CACUL1: variants seen among roughly 807,000 people sequenced by gnomAD.
CACUL1 encodes CDK2-associated and cullin domain-containing protein 1.
Under a neutral mutation model 45.2 loss-of-function variants are expected in CACUL1, and 13 were observed. The ratio of observed to expected loss-of-function variants is 0.29; its 90% CI spans 0.19 to 0.46. CACUL1 has a LOEUF of 0.46. Among genes scored for constraint, CACUL1 ranks in the 20% least tolerant of loss-of-function variants. The probability of loss-of-function intolerance (pLI) is 1.00; values close to 1 mark genes in which losing one functional copy is unlikely to be tolerated. For synonymous variants in CACUL1, 197 were observed against 174.2 expected (o/e 1.13, Z -1.03); for missense variants, 421 against 471.4 (o/e 0.89, Z 0.99).
chr10:118,694,811 G>A (rs766687916), intron 6 of CACUL1: 1 of 198,472 alleles, frequency 5.0e-6, no homozygotes, highest in Non-Finnish European at 1.1e-5. Flanking sequence ...GAATGTGGAT[G>A]TCTGTAAGTA....
At chr10:118,696,465 ACCC>A (rs1211731548) in intron 5 of CACUL1, among the ~76,000 whole-genome samples, 1 of 151,910 alleles carries the variant, frequency 6.6e-6, no homozygotes, top group Non-Finnish European at 1.5e-5. Flanking sequence ...ACTTGGTGAA[ACCC>A]CCGTCTCTAC....
intron 5 of CACUL1, among the ~76,000 whole-genome samples, chr10:118,695,674 C>CT (rs1845315425): frequency 6.6e-6 from 1 of 152,162 alleles, no homozygotes; most frequent in Non-Finnish European, 1.5e-5. Flanking sequence ...AATGCTATAG[C>CT]TACATCTACT....
chr10:118,685,871 C>T lies in CACUL1; in HGVS notation c.*257G>A, dbSNP rs1433182365. On this transcript the variant is annotated 3_prime_UTR_variant, in exon 9 of 9. Coordinates refer to ENST00000369151, the MANE Select transcript of CACUL1 (RefSeq NM_153810.5). The stretch of plus-strand genomic sequence containing the variant: ...ATGGTCACTTTCTGAGATGCTTTTT[C>T]CTCACAGAATCTGTAGATAAACTCA... The T allele has an allele frequency of 2.0e-5, 6 of 306,612 alleles. No homozygotes were observed. The East Asian group carries it at 3.1e-4, about 16-fold the overall frequency. The allele number at this position is 306,612 out of a possible 1,614,324, so 19.0% of individuals were successfully genotyped here. A position where few individuals can be genotyped will look rare whatever the true frequency, so the allele number is the denominator to read the frequency against.
intron 1 of CACUL1, among the ~76,000 whole-genome samples, chr10:118,742,692 C>T (rs569448437): frequency 7.2e-5 from 11 of 152,096 alleles, no homozygotes; most frequent in Non-Finnish European, 1.6e-4. Context: ...TGATTAAAGA[C>T]CCTGCCATGA....
rs1292764281 is a variant in CACUL1, at chr10:118,735,228, A to T, written c.368-4818T>A. Among the ~76,000 whole-genome samples, 3 of 152,392 alleles carry T rather than the reference A, an allele frequency of 2.0e-5. No homozygotes were observed. The East Asian group carries it at 5.8e-4, about 29-fold the overall frequency. Reference sequence around the variant, plus strand: ...TAAAGCTTAAATTACATTTGATTTCACATAGGCTAAAGCAAACCAGGTTAG... The same window carrying T: ...TAAAGCTTAAATTACATTTGATTTCTCATAGGCTAAAGCAAACCAGGTTAG... On this transcript the variant is annotated intron_variant, in intron 1 of 8. Coordinates refer to ENST00000369151, the MANE Select transcript of CACUL1 (RefSeq NM_153810.5).
At chr10:118,694,852 A>C in intron 6 of CACUL1, 1 of 271,018 alleles carries the variant, frequency 3.7e-6, no homozygotes, top group East Asian at 7.5e-5. Context: ...GTAAAGAAGA[A>C]ACTAAGACCA....
chr10:118,702,236 T>C (rs530297588), intron 4 of CACUL1, among the ~76,000 whole-genome samples: 1 of 152,254 alleles, frequency 6.6e-6, no homozygotes, highest in African/African-American at 2.4e-5. Context: ...CTGCCCCAGC[T>C]CATCTCCCTT....
intron 5 of CACUL1, among the ~76,000 whole-genome samples, chr10:118,697,014 G>A (rs998362826): frequency 6.6e-6 from 1 of 151,858 alleles, no homozygotes; most frequent in African/African-American, 2.4e-5. Flanking sequence ...ATAATACAAA[G>A]ATATATACAT....
chr10:118,710,088 G>C (rs2119597205), intron 3 of CACUL1, among the ~76,000 whole-genome samples: 1 of 138,398 alleles, frequency 7.2e-6, no homozygotes, highest in African/African-American at 2.9e-5. Context: ...AATTTGTTTG[G>C]GATTTTTTTT....
intron 7 of CACUL1, among the ~76,000 whole-genome samples, chr10:118,688,942 T>G (rs1845234741): frequency 6.6e-6 from 1 of 152,156 alleles, no homozygotes; most frequent in African/African-American, 2.4e-5. Flanking sequence ...CTCTGTGCCA[T>G]CCACATTAAA....
At chr10:118,716,291 A>C (rs1038315190) in intron 3 of CACUL1, among the ~76,000 whole-genome samples, 10 of 143,352 alleles carry the variant, frequency 7.0e-5, no homozygotes, top group South Asian at 4.6e-4. Flanking sequence ...GTAGAAAATT[A>C]TTACCATTTT....
At chr10:118,714,208 T>G (rs1023913761) in intron 3 of CACUL1, among the ~76,000 whole-genome samples, 1 of 152,220 alleles carries the variant, frequency 6.6e-6, no homozygotes, top group Non-Finnish European at 1.5e-5. Flanking sequence ...ATGAATGTTT[T>G]GTACTCTATT....
At chr10:118,699,116 G>T (rs1209400227) in intron 5 of CACUL1, among the ~76,000 whole-genome samples, 4 of 152,174 alleles carry the variant, frequency 2.6e-5, no homozygotes, top group African/African-American at 9.7e-5. Flanking sequence ...CCACATACAA[G>T]CAGTGCATGT....
At chr10:118,740,020 G>A (rs929112548) in intron 1 of CACUL1, among the ~76,000 whole-genome samples, 12 of 152,152 alleles carry the variant, frequency 7.9e-5, no homozygotes, top group Admixed American at 3.3e-4. Context: ...GGTGGCATGC[G>A]CCTATAATCC....
chr10:118,738,992 TAG>T (rs1564838438), intron 1 of CACUL1, among the ~76,000 whole-genome samples: 1 of 145,718 alleles, frequency 6.9e-6, no homozygotes, highest in Non-Finnish European at 1.5e-5. Context: ...GGTCAGGAGA[TAG>T]AGTCTCCTGG....
intron 1 of CACUL1, among the ~76,000 whole-genome samples, chr10:118,740,197 A>G (rs1445807653): frequency 6.6e-6 from 1 of 152,166 alleles, no homozygotes; most frequent in African/African-American, 2.4e-5. Context: ...AATTCTGCCA[A>G]TACAAACAAG....
chr10:118,716,369 T>C (rs1845545727), intron 3 of CACUL1, among the ~76,000 whole-genome samples: 1 of 151,944 alleles, frequency 6.6e-6, no homozygotes, highest in Non-Finnish European at 1.5e-5. Flanking sequence ...TTTTGTAACC[T>C]GATTTTATCG....
Position 118,703,651 on chromosome 10 carries a change from C to T in CACUL1, c.694-2243G>A, listed in dbSNP as rs74318176. On this transcript the variant is annotated intron_variant, in intron 4 of 8. Transcript: ENST00000369151. ...TTAACAATAATGCGAAATAGTCTTC[C>T]AAAGAGGCTTTACCAATTTACATTT... is the stretch of plus-strand genomic sequence containing the variant. 3.8e-3 allele frequency among the ~76,000 whole-genome samples: 581 copies of T among 152,200 alleles called. 5 individuals are homozygous for T. Among genetic ancestry groups the T allele is most frequent in the African/African-American group, 0.013 (544 of 41,534 alleles).
intron 6 of CACUL1, chr10:118,694,859 ACCAAACATGAGATTCAATTTTAT>A (rs1429840486): frequency 3.2e-5 from 9 of 277,942 alleles, no homozygotes; most frequent in African/African-American, 1.9e-4. Flanking sequence ...AGAAACTAAG[ACCAAACATGAGATTCAATTTTAT>A]CCAAAGTGTA....
Sources: gnomAD v4.1 joint callset for allele counts (sites outside exome capture counted in the v4.1 genomes callset) on GRCh38, gnomAD v4.1.1 for gene constraint, MANE v1.5 for transcripts, NCBI Gene and HGNC (gene_info 2026-07-23, HGNC 2026-07-21) for gene names.